The following ZNF521 variants were observed in gnomAD, a reference collection of about 807,000 sequenced individuals.
ZNF521 encodes the protein zinc finger protein 521, also known as LYST-interacting protein 3.
A neutral mutation model predicts 105.5 loss-of-function variants in ZNF521; 14 were observed. The observed-to-expected ratio is 0.13, with a 90% CI of 0.09 to 0.21. The LOEUF is 0.21. ZNF521 is among the 10% of genes least tolerant of loss of function. The pLI, the probability that ZNF521 is intolerant of heterozygous loss-of-function variation, is 1.00. For missense variants in ZNF521, 1,233 were observed against 1,629.7 expected (o/e 0.76, Z 4.19); for synonymous variants, 635 against 606.0 (o/e 1.05, Z -0.70).
chr18:25,070,438 C>T (rs2144121162), intron 7 of ZNF521, among the ~76,000 whole-genome samples: 1 of 152,094 alleles, frequency 6.6e-6, no homozygotes, highest in South Asian at 2.1e-4. Context: ...AAAGTTCATC[C>T]ATCTCATCCA....
At chr18:25,110,572 G>A (rs1015015776) in intron 5 of ZNF521, among the ~76,000 whole-genome samples, 1 of 151,824 alleles carries the variant, frequency 6.6e-6, no homozygotes, top group East Asian at 1.9e-4. Flanking sequence ...ATTCTTCTTT[G>A]TATCCTCAAA....
chr18:25,350,700 G>A (rs564808429), intron 2 of ZNF521, among the ~76,000 whole-genome samples: 1 of 150,904 alleles, frequency 6.6e-6, no homozygotes, highest in South Asian at 2.1e-4. Flanking sequence ...CCCATTCGGG[G>A]ATCCTCCTCC....
At chr18:25,307,417 A>G (rs940218020) in intron 3 of ZNF521, among the ~76,000 whole-genome samples, 93 of 152,298 alleles carry the variant, frequency 6.1e-4, no homozygotes, top group African/African-American at 2.1e-3. Context: ...CAGGGAATGG[A>G]GAATCCCTGC....
intron 3 of ZNF521, among the ~76,000 whole-genome samples, chr18:25,303,257 CTCTT>C (rs1491349098): frequency 3.4e-5 from 5 of 148,818 alleles, no homozygotes; most frequent in Non-Finnish European, 5.9e-5. Flanking sequence ...AAAAAAGAAA[CTCTT>C]TCTTTCTTTC....
In ZNF521 at chr18:25,227,204, C is replaced by T. The variant is rs1906218392; in HGVS notation, c.714G>A (p.Glu238=). Residue 238 remains glutamate (E), a synonymous_variant, in exon 4 of 8, where the codon GAG becomes GAA. Coordinates refer to ENST00000361524, the MANE Select transcript of ZNF521 (RefSeq NM_015461.3). The surrounding 1 kb of genome is among the most constrained non-coding windows in gnomAD (Gnocchi z 5.7). ...KDGSQSGSRM[E]DWKMKDTQKC... The stretch of plus-strand genomic sequence containing the variant: ...TCTGAGTGTCCTTCATCTTCCAGTC[C>T]TCCATCCTGGAACCGGACTGAGAGC... The T allele has an allele frequency of 6.2e-7, 1 of 1,614,158 alleles. No homozygotes were observed. The highest frequency in any genetic ancestry group is 8.5e-7 in the Non-Finnish European group (1 of 1,180,010).
rs1905957653 is a variant in ZNF521, at chr18:25,224,467, T to C, written c.3451A>G (p.Ser1151Gly). 1 of 1,613,950 alleles carries C rather than the reference T, an allele frequency of 6.2e-7. No individual in the cohort carries two copies. Among genetic ancestry groups the C allele is most frequent in the African/African-American group, 1.3e-5 (1 of 74,902 alleles). ...SSCNVKFESE[S>G]ELQNHIQTIH... ...GTTTGGATGTGGTTCTGGAGTTCAC[T>C]TTCAGACTCAAACTTAACGTTGCAG... Residue 1151 changes from serine (S) to glycine (G), a missense_variant, in exon 4 of 8, where the codon AGT becomes GGT. Ser to Gly is a moderately conservative substitution (Grantham distance 56). This residue lies in a region of ZNF521 where 614 missense variants were observed against 751.5 expected (regional missense o/e 0.82). Coordinates refer to ENST00000361524, the MANE Select transcript of ZNF521 (RefSeq NM_015461.3).
chr18:25,327,228 T>C (rs1214371259), intron 2 of ZNF521, among the ~76,000 whole-genome samples: 1 of 152,252 alleles, frequency 6.6e-6, no homozygotes, highest in African/African-American at 2.4e-5. Context: ...TTATAACCCA[T>C]GTCACATATC....
intron 3 of ZNF521, among the ~76,000 whole-genome samples, chr18:25,310,761 T>C (rs941562624): frequency 2.6e-5 from 4 of 152,170 alleles, no homozygotes; most frequent in South Asian, 2.1e-4. Context: ...ACTATGATTC[T>C]ACATTCTAAC....
chr18:25,095,725 A>C (rs2033838460), intron 5 of ZNF521, among the ~76,000 whole-genome samples: 1 of 152,210 alleles, frequency 6.6e-6, no homozygotes, highest in Admixed American at 6.5e-5. Context: ...TGAAGTCTAG[A>C]AAAACTCTAG....
chr18:25,329,664 C>T (rs1427400095), intron 2 of ZNF521, among the ~76,000 whole-genome samples: 2 of 152,158 alleles, frequency 1.3e-5, no homozygotes, highest in Admixed American at 6.5e-5. Context: ...GCTGGAAAAG[C>T]GGCTAGAGCA....
intron 3 of ZNF521, among the ~76,000 whole-genome samples, chr18:25,267,782 A>G (rs946090218): frequency 6.6e-6 from 1 of 152,192 alleles, no homozygotes; most frequent in Admixed American, 6.5e-5. Context: ...GAAGGTCACC[A>G]ACATCAAAGA....
At chr18:25,206,500 T>C (rs542546531) in intron 4 of ZNF521, among the ~76,000 whole-genome samples, 1 of 152,266 alleles carries the variant, frequency 6.6e-6, no homozygotes, top group African/African-American at 2.4e-5. Flanking sequence ...GCTAGTCTTC[T>C]GTCAAAGAAA....
chr18:25,233,666 T>C (rs1039625537), intron 3 of ZNF521, among the ~76,000 whole-genome samples: 3 of 150,788 alleles, frequency 2.0e-5, no homozygotes, highest in East Asian at 1.9e-4. Flanking sequence ...TCAGAGGTTT[T>C]TTTTTTTTTT....
chr18:25,107,706 T>C (rs1052154216), intron 5 of ZNF521, among the ~76,000 whole-genome samples: 1 of 152,210 alleles, frequency 6.6e-6, no homozygotes, highest in Non-Finnish European at 1.5e-5. Flanking sequence ...ATTTTCAGTG[T>C]TAAAACTCCA....
intron 3 of ZNF521, among the ~76,000 whole-genome samples, chr18:25,264,936 A>T (rs574766618): frequency 1.6e-4 from 24 of 152,190 alleles, no homozygotes; most frequent in Non-Finnish European, 3.1e-4. Context: ...GAGAAAAGGA[A>T]GGAAAAAGTC....
At chr18:25,166,593 A>G (rs1448345518) in intron 5 of ZNF521, among the ~76,000 whole-genome samples, 1 of 152,196 alleles carries the variant, frequency 6.6e-6, no homozygotes, top group African/African-American at 2.4e-5. Context: ...TACACTGTCA[A>G]TCTTTCTTCT....
rs140635171 is a variant in ZNF521, at chr18:25,280,527, C to G, written c.220+41481G>C. On this transcript the variant is annotated intron_variant, in intron 3 of 7. Coordinates refer to ENST00000361524, the MANE Select transcript of ZNF521 (RefSeq NM_015461.3). ...TACCTGATGACAGTCTACACCTTTA[C>G]TCAATCACAGACACACACACAAGTC... Among the ~76,000 whole-genome samples, 8 of 152,116 alleles carry G rather than the reference C, an allele frequency of 5.3e-5. No homozygotes were observed. The East Asian group carries it at 1.5e-3, about 29-fold the overall frequency.
chr18:25,087,750 A>G (rs567379056), intron 7 of ZNF521, among the ~76,000 whole-genome samples: 6 of 152,350 alleles, frequency 3.9e-5, no homozygotes, highest in Admixed American at 3.9e-4. Context: ...CCCATCTTCT[A>G]TATTCAATTC....
chr18:25,172,519 T>TA (rs976895052), intron 5 of ZNF521, among the ~76,000 whole-genome samples: 1 of 152,222 alleles, frequency 6.6e-6, no homozygotes, highest in African/African-American at 2.4e-5. Flanking sequence ...TCCCTTCTAC[T>TA]AAATCCCACT....
Sources: gnomAD v4.1 joint callset for allele counts (sites outside exome capture counted in the v4.1 genomes callset) on GRCh38, gnomAD v4.1.1 for gene constraint, gnomAD v4.1.1 regional missense constraint, Gnocchi (gnomAD v3.1) non-coding constraint, MANE v1.5 for transcripts, NCBI Gene and HGNC (gene_info 2026-07-23, HGNC 2026-07-21) for gene names.